NUP93: variants seen among roughly 807,000 people sequenced by gnomAD.
The protein encoded by NUP93 is nucleoporin 93, also known as nuclear pore complex protein Nup93.
NUP93 carries 55 observed loss-of-function variants against 107.8 expected under a neutral mutation model. That is an observed-to-expected ratio of 0.51 (90% CI 0.41 to 0.64). The LOEUF (loss-of-function observed/expected upper bound fraction) is 0.64, where lower values mean the gene tolerates loss of function less well. NUP93 is among the 30% of genes least tolerant of loss of function. The pLI is 0.00. For synonymous variants in NUP93, 390 were observed against 397.5 expected (o/e 0.98, Z 0.22); for missense variants, 937 against 1,044.7 (o/e 0.90, Z 1.42).
chr16:56,824,988 A>T (rs1323401401), intron 8 of NUP93, among the ~76,000 whole-genome samples: 2 of 152,152 alleles, frequency 1.3e-5, no homozygotes, highest in East Asian at 3.8e-4. Context: ...ACCTACATAC[A>T]TAGTAGCATT....
In NUP93 at chr16:56,834,240, C is replaced by T; in HGVS notation, c.1650C>T (p.Tyr550=). ...ESTDPREALQ[Y]FYFLRDEKDS... ...CGGACCCAAGGGAGGCCCTCCAGTA[C>T]TTCTATTTCCTCAGGTAACATTTGC... The change falls in exon 14 of 22, where the codon TAC becomes TAT. Residue 550 remains tyrosine, a synonymous_variant. Transcript: ENST00000308159. 6.2e-7 allele frequency: 1 copy of T among 1,614,114 alleles called. No individual in the cohort carries two copies. Among genetic ancestry groups the T allele is most frequent in the Non-Finnish European group, 8.5e-7 (1 of 1,179,968 alleles).
intron 3 of NUP93, among the ~76,000 whole-genome samples, chr16:56,787,388 G>A (rs1339347390): frequency 1.3e-5 from 2 of 152,166 alleles, no homozygotes; most frequent in Non-Finnish European, 2.9e-5. Context: ...GTGAGACTTG[G>A]TTCCCAAACA....
At chr16:56,751,613 G>T (rs1961920760) in intron 2 of NUP93, among the ~76,000 whole-genome samples, 1 of 152,172 alleles carries the variant, frequency 6.6e-6, no homozygotes, top group Non-Finnish European at 1.5e-5. Flanking sequence ...AGGTAGGATA[G>T]GCATTTTCCC....
intron 3 of NUP93, among the ~76,000 whole-genome samples, chr16:56,793,455 C>G (rs62036975): frequency 0.018 from 2,789 of 152,196 alleles, 30 homozygotes; most frequent in African/African-American, 0.022. Flanking sequence ...TTTTCTGTAC[C>G]CACGGGGCAT....
rs1422869649 is a variant in NUP93, at chr16:56,786,781, TG to T, written c.298-11692del. 2.0e-5 allele frequency among the ~76,000 whole-genome samples: 3 copies of T among 152,212 alleles called. No individual in the cohort carries two copies. The East Asian group carries it at 5.8e-4, about 29-fold the overall frequency. The stretch of plus-strand genomic sequence containing the variant: ...CAGGCATTCTGACATGTCCTTTTAG[TG>T]GGTCACGACCTTTTTAACTCTAGGT... On this transcript the variant is annotated intron_variant, in intron 3 of 21. Transcript: ENST00000308159.
At chr16:56,798,604 A>G (rs932449620) in intron 4 of NUP93, 66 bp downstream of exon 4, 1 of 1,294,698 alleles carries the variant, frequency 7.7e-7, no homozygotes, top group Non-Finnish European at 1.1e-6. Context: ...GTGGTGGCTC[A>G]CATCTGTAAT....
At position 56,790,704 on chromosome 16, in the gene NUP93, G is replaced by A. The variant is rs144197473; in HGVS notation, c.298-7772G>A. On this transcript the variant is annotated intron_variant, in intron 3 of 21. Transcript: ENST00000308159. ...AGCATTTTACTTAGAATGAGCTGAA[G>A]CAAAGTAATGGTACAACTTACATTC... 3.0e-3 allele frequency among the ~76,000 whole-genome samples: 453 copies of A among 152,310 alleles called. 1 individual carries two copies. Among genetic ancestry groups the A allele is most frequent in the African/African-American group, 9.5e-3 (396 of 41,562 alleles).
At chr16:56,748,476 G>T (rs770304876) in intron 2 of NUP93, 50 bp downstream of exon 2, 2 of 1,471,162 alleles carry the variant, frequency 1.4e-6, no homozygotes, top group East Asian at 2.3e-5. Context: ...TTGCGGGCAG[G>T]ATCTGTTTCT....
In NUP93 at chr16:56,841,824, C is replaced by G; in HGVS notation, c.2340C>G (p.Asp780Glu). 5 of 1,614,026 alleles carry G rather than the reference C, an allele frequency of 3.1e-6. No individual in the cohort carries two copies. The highest frequency in any genetic ancestry group is 1.3e-5 in the African/African-American group (1 of 75,046). The change falls in exon 21 of 22, where the codon GAC becomes GAG. Residue 780 changes from aspartate to glutamate, a missense_variant. Asp to Glu is a conservative substitution (Grantham distance 45). Transcript: ENST00000308159. Reference protein sequence around the residue: ...SSSRPQRVIEDRDSQLRSQAR... With the variant: ...SSSRPQRVIEERDSQLRSQAR... Reference sequence around the variant, plus strand: ...CCAGGCCCCAGCGAGTCATCGAGGACCGCGACTCTGTAAGATCCCAGCATT... The same window carrying G: ...CCAGGCCCCAGCGAGTCATCGAGGAGCGCGACTCTGTAAGATCCCAGCATT...
At chr16:56,832,080 C>T (rs1027779538) in intron 11 of NUP93, 73 bp downstream of exon 11, 12 of 1,550,454 alleles carry the variant, frequency 7.7e-6, no homozygotes, top group Non-Finnish European at 1.1e-5. Context: ...AAGATTTTAC[C>T]TGCTTAATGT....
rs540808603 is a variant in NUP93, at chr16:56,845,955, C to A, written c.*1346C>A. On this transcript the variant is annotated 3_prime_UTR_variant, in exon 22 of 22. Coordinates refer to ENST00000308159, the MANE Select transcript of NUP93 (RefSeq NM_014669.5). ...GGTCAGTGGAGCTGTGTTCTGCCTT[C>A]CTCCTCTAGTCCCATCTTGTCACCC... 2 of 152,346 alleles carry A rather than the reference C, an allele frequency of 1.3e-5. No individual in the cohort carries two copies. Among genetic ancestry groups the A allele is most frequent in the East Asian group, 3.9e-4 (2 of 5,188 alleles). 9.4% of individuals were successfully genotyped at this position (152,346 alleles called of 1,614,324 possible). A position where few individuals can be genotyped will look rare whatever the true frequency, so the allele number is the denominator to read the frequency against.
intron 2 of NUP93, 135 bp from the exon 3 acceptor site, chr16:56,758,403 A>T (rs1176122678): frequency 1.5e-6 from 1 of 676,290 alleles, no homozygotes; most frequent in African/African-American, 1.8e-5. Context: ...ACAACTATGT[A>T]AAAGTGTCTG....
chr16:56,770,115 T>G (rs1351617098), intron 3 of NUP93, among the ~76,000 whole-genome samples: 1 of 152,212 alleles, frequency 6.6e-6, no homozygotes, highest in Non-Finnish European at 1.5e-5. Context: ...CTATCTGGCT[T>G]TTATAAACAA....
At chr16:56,822,887 T>C (rs1200990279) in intron 7 of NUP93, among the ~76,000 whole-genome samples, 1 of 152,234 alleles carries the variant, frequency 6.6e-6, no homozygotes, top group African/African-American at 2.4e-5. Context: ...GAGTCACATT[T>C]GTCTGGACAT....
chr16:56,758,712 T>C (rs537427650), intron 3 of NUP93, 57 bp downstream of exon 3: 21 of 1,183,348 alleles, frequency 1.8e-5, no homozygotes, highest in Non-Finnish European at 2.6e-5. Flanking sequence ...CTGAAGACCC[T>C]GGCCCTTTAT....
intron 10 of NUP93, among the ~76,000 whole-genome samples, chr16:56,831,263 G>T (rs1247829421): frequency 1.3e-5 from 2 of 152,210 alleles, no homozygotes; most frequent in African/African-American, 4.8e-5. Context: ...ATATGTACAT[G>T]TATGTAGAAG....
At chr16:56,834,710 G>C (rs1275995515) in intron 15 of NUP93, 24 bp from the exon 16 acceptor site, 1 of 1,601,112 alleles carries the variant, frequency 6.2e-7, no homozygotes, top group Admixed American at 1.7e-5. Context: ...CCAATAATTT[G>C]AGTAAACTTT....
intron 3 of NUP93, among the ~76,000 whole-genome samples, chr16:56,793,643 G>A (rs1372590192): frequency 6.6e-6 from 1 of 152,120 alleles, no homozygotes; most frequent in African/African-American, 2.4e-5. Context: ...GGAGATCTGT[G>A]GGGGACCTGG....
At chr16:56,820,145 A>G (rs189655358) in intron 6 of NUP93, among the ~76,000 whole-genome samples, 15 of 152,356 alleles carry the variant, frequency 9.8e-5, no homozygotes, top group Admixed American at 3.3e-4. Context: ...AACATTTCAT[A>G]GCACATACAA....
Sources: allele counts gnomAD v4.1 joint callset (sites outside exome capture counted in the v4.1 genomes callset), GRCh38; gene constraint gnomAD v4.1.1; transcripts MANE v1.5; gene names NCBI Gene and HGNC (gene_info 2026-07-23, HGNC 2026-07-21).